Variants in DNAH12 observed in about 807,000 individuals in gnomAD.
The protein encoded by DNAH12 is dynein axonemal heavy chain 12.
Under a neutral mutation model 371.5 loss-of-function variants are expected in DNAH12, and 285 were observed. The observed-to-expected ratio is 0.77, with a 90% CI of 0.70 to 0.85. The LOEUF is 0.85. DNAH12 is among the 40% of genes least tolerant of loss of function. The probability of loss-of-function intolerance (pLI) is 0.00; values close to 1 mark genes in which losing one functional copy is unlikely to be tolerated. For synonymous variants in DNAH12, 1,200 were observed against 1,213.0 expected (o/e 0.99, Z 0.22); for missense variants, 3,611 against 3,689.4 (o/e 0.98, Z 0.55).
intron 2 of DNAH12, chr3:57,530,788 C>T (rs1023498360): frequency 1.8e-5 from 4 of 224,318 alleles, no homozygotes; most frequent in Non-Finnish European, 2.7e-5. Context: ...AAATTCCCCA[C>T]ATCCAGCCTC....
At chr3:57,504,240 C>A (rs768173114) in intron 8 of DNAH12, 36 bp from the exon 9 acceptor site, 64 of 1,547,616 alleles carry the variant, frequency 4.1e-5, no homozygotes, top group Non-Finnish European at 5.4e-5. Flanking sequence ...TTAGAGAGTA[C>A]AAATTCAACC....
intron 55 of DNAH12, among the ~76,000 whole-genome samples, chr3:57,371,752 T>C (rs916578924): frequency 2.1e-5 from 3 of 140,512 alleles, no homozygotes; most frequent in African/African-American, 7.6e-5. Context: ...CAGAGAAAAA[T>C]TGGAAAATTT....
At chr3:57,547,036 C>G (rs1305096674), upstream of DNAH12, among the ~76,000 whole-genome samples, 1 of 152,040 alleles carries the variant, frequency 6.6e-6, no homozygotes, top group East Asian at 1.9e-4. Flanking sequence ...TGCCCTGAGT[C>G]AAACTCCAAA....
intron 49 of DNAH12, among the ~76,000 whole-genome samples, chr3:57,383,074 G>A (rs2063429098): frequency 2.0e-5 from 3 of 152,202 alleles, no homozygotes; most frequent in Admixed American, 2.0e-4. Context: ...TGGAGGTTAC[G>A]TGGCAGTGTA....
At chr3:57,380,932 C>G (rs1323858245) in intron 50 of DNAH12, among the ~76,000 whole-genome samples, 7 of 152,112 alleles carry the variant, frequency 4.6e-5, no homozygotes, top group African/African-American at 2.4e-5. Flanking sequence ...CTTTTGAAAA[C>G]TTAAGCTACT....
At chr3:57,340,172 G>A (rs1208185165) in intron 60 of DNAH12, among the ~76,000 whole-genome samples, 2 of 151,930 alleles carry the variant, frequency 1.3e-5, no homozygotes, top group Non-Finnish European at 2.9e-5. Flanking sequence ...TTTACAGCAA[G>A]TATAGCAAGA....
At chr3:57,456,302 C>T (rs1277907345) in intron 22 of DNAH12, among the ~76,000 whole-genome samples, 1 of 152,148 alleles carries the variant, frequency 6.6e-6, no homozygotes, top group African/African-American at 2.4e-5. Flanking sequence ...ATAGCCACCA[C>T]AAGAAGATGA....
At chr3:57,470,696 T>C in intron 15 of DNAH12, 60 bp from the exon 16 acceptor site, 2 of 1,341,386 alleles carry the variant, frequency 1.5e-6, no homozygotes, top group Non-Finnish European at 2.0e-6. Flanking sequence ...AAAAATAAAA[T>C]CCTATGATAC....
intron 38 of DNAH12, among the ~76,000 whole-genome samples, chr3:57,414,232 A>G (rs1284682612): frequency 2.0e-5 from 3 of 152,182 alleles, no homozygotes; most frequent in Non-Finnish European, 2.9e-5. Flanking sequence ...TTGAAATCCT[A>G]TGCACTCACA....
chr3:57,516,300 G>A (rs2153395921), intron 4 of DNAH12, among the ~76,000 whole-genome samples: 1 of 152,004 alleles, frequency 6.6e-6, no homozygotes, highest in South Asian at 2.1e-4. Flanking sequence ...CTGACCTTGT[G>A]ATCCATCCGA....
chr3:57,508,213 A>C (rs1460031537), intron 7 of DNAH12, among the ~76,000 whole-genome samples, 169 bp downstream of exon 7: 2 of 148,282 alleles, frequency 1.3e-5, no homozygotes, highest in Admixed American at 6.7e-5. Context: ...AAAAAAAAAA[A>C]ACCAAAAAAA....
At chr3:57,516,954 A>T (rs1227283859) in intron 4 of DNAH12, among the ~76,000 whole-genome samples, 1 of 152,108 alleles carries the variant, frequency 6.6e-6, no homozygotes, top group Admixed American at 6.6e-5. Context: ...AGTTTATTTT[A>T]TACTTTCCCA....
At chr3:57,404,897 G>T in intron 42 of DNAH12, 72 bp downstream of exon 42, 2 of 1,324,272 alleles carry the variant, frequency 1.5e-6, no homozygotes, top group Non-Finnish European at 2.0e-6. Flanking sequence ...TACACCTTTT[G>T]GTACATTTCA....
rs188182307 is a variant in DNAH12, at chr3:57,457,117, C to T, written c.3336+604G>A. 4.6e-5 allele frequency among the ~76,000 whole-genome samples: 7 copies of T among 152,256 alleles called. No individual in the cohort carries two copies. In the East Asian group the frequency reaches 1.2e-3, roughly 25 times the overall value. ...CCTAATTTGTCTTCCTGTTTTCACA[C>T]CTCCACTAATCTATTATTTATACCA... On this transcript the variant is annotated intron_variant, in intron 22 of 73. Transcript: ENST00000495027.
intron 11 of DNAH12, among the ~76,000 whole-genome samples, chr3:57,494,514 A>G (rs2067241588): frequency 6.6e-6 from 1 of 152,062 alleles, no homozygotes; most frequent in African/African-American, 2.4e-5. Context: ...GTGAGCTGAG[A>G]TCATACCACT....
rs550371297 is a variant in DNAH12, at chr3:57,488,181, C to G, written c.1514+1328G>C. 3.9e-5 allele frequency among the ~76,000 whole-genome samples: 6 copies of G among 151,976 alleles called. No homozygotes were observed. The South Asian group carries it at 1.2e-3, about 32-fold the overall frequency. ...GTCCTGCGAGGAAGGTACTCTTTTT[C>G]TTTTTGTTTTTGTTTGTTTGTTTGT... On this transcript the variant is annotated intron_variant, in intron 12 of 73. Transcript: ENST00000495027.
At chr3:57,319,941 G>C (rs543607266) in intron 65 of DNAH12, among the ~76,000 whole-genome samples, 1 of 152,164 alleles carries the variant, frequency 6.6e-6, no homozygotes, top group South Asian at 2.1e-4. Context: ...TCTGCATCTA[G>C]TGAGATGATC....
intron 60 of DNAH12, among the ~76,000 whole-genome samples, chr3:57,342,475 C>G (rs1385036724): frequency 1.3e-4 from 5 of 37,846 alleles, no homozygotes; most frequent in Non-Finnish European, 3.0e-4. Context: ...CCTATCTCTA[C>G]TAAAAATACA....
At chr3:57,421,493 C>T in intron 36 of DNAH12, 25 bp downstream of exon 36, 1 of 1,549,650 alleles carries the variant, frequency 6.5e-7, no homozygotes, top group South Asian at 1.2e-5. Context: ...TTTTATCTTA[C>T]CATAACAAGC....
Sources: gnomAD v4.1 joint callset for allele counts (sites outside exome capture counted in the v4.1 genomes callset) on GRCh38, gnomAD v4.1.1 for gene constraint, MANE v1.5 for transcripts, NCBI Gene and HGNC (gene_info 2026-07-23, HGNC 2026-07-21) for gene names.